Variants in RGL1 observed in about 807,000 individuals in gnomAD.
The protein encoded by RGL1 is ral guanine nucleotide dissociation stimulator like 1, also known as ral guanine nucleotide dissociation stimulator-like 1.
RGL1 carries 24 observed loss-of-function variants against 95.2 expected under a neutral mutation model. The ratio of observed to expected loss-of-function variants is 0.25; its 90% CI spans 0.18 to 0.35. The LOEUF (loss-of-function observed/expected upper bound fraction) is 0.35, where lower values mean the gene tolerates loss of function less well. RGL1 is among the 10% of genes least tolerant of loss of function. RGL1 has a pLI of 1.00. For missense variants in RGL1, 715 were observed against 936.3 expected, an observed-to-expected ratio of 0.76 and a Z score of 3.08; for synonymous variants, 329 against 344.9, an observed-to-expected ratio of 0.95 and a Z score of 0.51.
At chr1:183,652,579 T>C (rs1650843185) in intron 1 of RGL1, among the ~76,000 whole-genome samples, 1 of 150,864 alleles carries the variant, frequency 6.6e-6, no homozygotes, top group Non-Finnish European at 1.5e-5. Flanking sequence ...TGTTAACTTT[T>C]GGTATCTGTC....
intron 1 of RGL1, among the ~76,000 whole-genome samples, chr1:183,718,189 G>T (rs570771327): frequency 6.7e-6 from 1 of 149,740 alleles, no homozygotes; most frequent in African/African-American, 2.5e-5. Context: ...AAGGTTGCTA[G>T]TGCCACTCTA....
chr1:183,699,336 A>G (rs1409857481), intron 1 of RGL1, among the ~76,000 whole-genome samples: 1 of 152,174 alleles, frequency 6.6e-6, no homozygotes, highest in Non-Finnish European at 1.5e-5. Flanking sequence ...GTCCTACATC[A>G]AGGCTTGTTC....
rs142212654 is a variant in RGL1, at chr1:183,730,205, C to T, written c.-32-11921C>T. On this transcript the variant is annotated intron_variant, in intron 1 of 18. Transcript: ENST00000304685. ...AAGGGAAACATTATAAAGGTGTTGACAATTTCTCCATAGTATAAAGCCTGT... is the reference window on the plus strand; with the variant it reads ...AAGGGAAACATTATAAAGGTGTTGATAATTTCTCCATAGTATAAAGCCTGT... Among the ~76,000 whole-genome samples the T allele has an allele frequency of 2.6e-5, 4 of 152,256 alleles. No homozygotes were observed. In the East Asian group the frequency reaches 7.7e-4, roughly 29 times the overall value.
At chr1:183,766,202 C>T (rs961582588) in intron 2 of RGL1, among the ~76,000 whole-genome samples, 8 of 152,142 alleles carry the variant, frequency 5.3e-5, no homozygotes, top group Middle Eastern at 3.4e-3. Context: ...GTCAGGAGTT[C>T]GAGACCAGCC....
At chr1:183,858,797 C>T (rs2102571866) in intron 3 of RGL1, among the ~76,000 whole-genome samples, 1 of 152,220 alleles carries the variant, frequency 6.6e-6, no homozygotes, top group Non-Finnish European at 1.5e-5. Flanking sequence ...AGTAAGCACC[C>T]ATTTAGATAA....
At chr1:183,672,850 A>G (rs1247320677) in intron 1 of RGL1, among the ~76,000 whole-genome samples, 1 of 152,226 alleles carries the variant, frequency 6.6e-6, no homozygotes, top group Non-Finnish European at 1.5e-5. Context: ...TGTGTGGCTT[A>G]CATTCATGGG....
chr1:183,799,352 T>C (rs1402454112), intron 2 of RGL1, among the ~76,000 whole-genome samples: 2 of 152,234 alleles, frequency 1.3e-5, no homozygotes. Flanking sequence ...CTGGATCATA[T>C]GGTAGTTCTA....
chr1:183,759,171 TAG>T (rs1199631960), intron 2 of RGL1, among the ~76,000 whole-genome samples: 2 of 152,146 alleles, frequency 1.3e-5, no homozygotes, highest in Admixed American at 1.3e-4. Flanking sequence ...TTGCAGGTCC[TAG>T]AGAGAGGAGA....
intron 2 of RGL1, among the ~76,000 whole-genome samples, chr1:183,845,001 AATCC>A (rs1319250788): frequency 6.6e-6 from 1 of 152,204 alleles, no homozygotes; most frequent in Non-Finnish European, 1.5e-5. Context: ...TTCTGAAAGC[AATCC>A]ATCTGTTAGT....
chr1:183,777,693 C>T (rs976394081), intron 2 of RGL1, among the ~76,000 whole-genome samples: 14 of 152,226 alleles, frequency 9.2e-5, no homozygotes, highest in African/African-American at 3.4e-4. Flanking sequence ...TAATTCCCAA[C>T]TGTTGCTCTA....
chr1:183,818,488 A>G (rs1662233520), intron 2 of RGL1, among the ~76,000 whole-genome samples: 1 of 151,936 alleles, frequency 6.6e-6, no homozygotes, highest in Non-Finnish European at 1.5e-5. Flanking sequence ...TGTTATCTTT[A>G]CTCTTCTACT....
At chr1:183,738,928 A>C (rs1657116992) in intron 1 of RGL1, among the ~76,000 whole-genome samples, 1 of 152,118 alleles carries the variant, frequency 6.6e-6, no homozygotes, top group South Asian at 2.1e-4. Context: ...GAATAAAGAG[A>C]GTATGGAATA....
chr1:183,637,411 T>A (rs1649621529), intron 1 of RGL1, among the ~76,000 whole-genome samples: 1 of 152,156 alleles, frequency 6.6e-6, no homozygotes, highest in African/African-American at 2.4e-5. Context: ...ATGAATGAAA[T>A]GTGAAAGACC....
In RGL1 at chr1:183,793,203, C is replaced by T. The variant is rs75517824; in HGVS notation, c.133-13172C>T. On this transcript the variant is annotated intron_variant, in intron 2 of 18. Coordinates refer to the RGL1 transcript ENST00000304685. ...TACAATGGGGAAAGGATACGCTCTTCAGTAATGTGCTGTGAAAACTGGATG... is the reference window on the plus strand; with the variant it reads ...TACAATGGGGAAAGGATACGCTCTTTAGTAATGTGCTGTGAAAACTGGATG... Among the ~76,000 whole-genome samples, 1,356 of 152,206 alleles carry T rather than the reference C, an allele frequency of 8.9e-3. 12 individuals carry two copies. Among genetic ancestry groups the T allele is most frequent in the Middle Eastern group, 0.02 (6 of 294 alleles).
At chr1:183,743,978 C>G (rs1294824047) in intron 2 of RGL1, among the ~76,000 whole-genome samples, 1 of 152,188 alleles carries the variant, frequency 6.6e-6, no homozygotes, top group Non-Finnish European at 1.5e-5. Flanking sequence ...AGAAACTGCT[C>G]AGGGTGCCAA....
chr1:183,804,528 C>CAGGA (rs1471183369), upstream of RGL1, among the ~76,000 whole-genome samples: 1 of 152,210 alleles, frequency 6.6e-6, no homozygotes, highest in Non-Finnish European at 1.5e-5. Flanking sequence ...ACAGAACCTC[C>CAGGA]AGGACACTGT....
In RGL1 at chr1:183,928,223, T is replaced by C. The variant is rs1669729905; in HGVS notation, c.*1931T>C. 6.6e-6 allele frequency: 1 copy of C among 152,344 alleles called. No homozygotes were observed. The highest frequency in any genetic ancestry group is 1.5e-5 in the Non-Finnish European group (1 of 67,988). 9.4% of individuals were successfully genotyped at this position (152,344 alleles called of 1,614,324 possible). Reference sequence around the variant, plus strand: ...TTGAGGGCGTGACCACCAAGACATATATGTTGTGCCCGTGTTCATCCTGTG... The same window carrying C: ...TTGAGGGCGTGACCACCAAGACATACATGTTGTGCCCGTGTTCATCCTGTG... On this transcript the variant is annotated 3_prime_UTR_variant, in exon 18 of 18. Transcript: ENST00000360851.
At chr1:183,662,157 G>A (rs1651681233) in intron 1 of RGL1, among the ~76,000 whole-genome samples, 1 of 151,504 alleles carries the variant, frequency 6.6e-6, no homozygotes, top group Non-Finnish European at 1.5e-5. Context: ...GCACAAGACA[G>A]GGATGCCCTC....
intron 1 of RGL1, among the ~76,000 whole-genome samples, chr1:183,636,917 G>A (rs1027771623): frequency 2.0e-5 from 3 of 152,166 alleles, no homozygotes; most frequent in African/African-American, 7.2e-5. Flanking sequence ...GACACTGCTC[G>A]GTATGGGTCC....
Sources: gnomAD v4.1 joint callset for allele counts (sites outside exome capture counted in the v4.1 genomes callset) on GRCh38, gnomAD v4.1.1 for gene constraint, MANE v1.5 for transcripts, NCBI Gene and HGNC (gene_info 2026-07-23, HGNC 2026-07-21) for gene names.